The following MLLT3 variants were observed in gnomAD, a reference collection of about 807,000 sequenced individuals.
The protein encoded by MLLT3 is protein AF-9.
In MLLT3, 4 loss-of-function variants were observed where a neutral mutation model predicts 53.2. That is an observed-to-expected ratio of 0.08 (90% CI 0.04 to 0.17). The LOEUF is 0.17. Among genes scored for constraint, MLLT3 ranks in the 10% least tolerant of loss-of-function variants. The probability of loss-of-function intolerance (pLI) is 1.00; values close to 1 mark genes in which losing one functional copy is unlikely to be tolerated. For synonymous variants in MLLT3, 283 were observed against 230.6 expected, an observed-to-expected ratio of 1.23 and a Z score of -2.06; for missense variants, 569 against 684.0, an observed-to-expected ratio of 0.83 and a Z score of 1.87.
chr9:20,595,739 C>A (rs962872496), intron 2 of MLLT3, among the ~76,000 whole-genome samples: 3 of 152,048 alleles, frequency 2.0e-5, no homozygotes, highest in Non-Finnish European at 4.4e-5. Context: ...GTAGCAGTAA[C>A]CACAAAAAAA....
At chr9:20,447,147 G>A (rs1010535556) in intron 4 of MLLT3, among the ~76,000 whole-genome samples, 8 of 152,010 alleles carry the variant, frequency 5.3e-5, no homozygotes, top group African/African-American at 1.9e-4. Flanking sequence ...TTCTCAAAGT[G>A]GTTGTTCATG....
At chr9:20,568,868 A>G (rs1213407664) in intron 2 of MLLT3, among the ~76,000 whole-genome samples, 1 of 152,208 alleles carries the variant, frequency 6.6e-6, no homozygotes, top group Non-Finnish European at 1.5e-5. Flanking sequence ...AAATAAAGAC[A>G]TTGAGGTTGA....
At chr9:20,536,861 A>C (rs892866343) in intron 2 of MLLT3, among the ~76,000 whole-genome samples, 2 of 152,148 alleles carry the variant, frequency 1.3e-5, no homozygotes, top group Non-Finnish European at 2.9e-5. Context: ...AAAAAAAAAA[A>C]AAAACTGCCA....
At chr9:20,457,373 C>T (rs201400335) in intron 2 of MLLT3, among the ~76,000 whole-genome samples, 2 of 151,530 alleles carry the variant, frequency 1.3e-5, no homozygotes, top group South Asian at 2.1e-4. Context: ...CTCAGCCTCC[C>T]GAGTTAGCTG....
chr9:20,595,257 C>T (rs990781339), intron 2 of MLLT3, among the ~76,000 whole-genome samples: 2 of 152,034 alleles, frequency 1.3e-5, no homozygotes, highest in African/African-American at 2.4e-5. Flanking sequence ...GATCCAGCTA[C>T]ACAAGAGGCT....
chr9:20,464,506 G>T (rs1306882479), intron 2 of MLLT3, among the ~76,000 whole-genome samples: 1 of 151,932 alleles, frequency 6.6e-6, no homozygotes, highest in Non-Finnish European at 1.5e-5. Context: ...TACTGAGAAA[G>T]TACTGAGTGA....
At chr9:20,365,195 G>A (rs1242850234) in intron 6 of MLLT3, among the ~76,000 whole-genome samples, 2 of 152,184 alleles carry the variant, frequency 1.3e-5, no homozygotes, top group Non-Finnish European at 2.9e-5. Context: ...GGAATTTCTA[G>A]AGCCTTGCCT....
At chr9:20,360,604 G>T in intron 8 of MLLT3, 138 bp downstream of exon 8, 2 of 687,704 alleles carry the variant, frequency 2.9e-6, no homozygotes, top group Admixed American at 2.2e-5. Flanking sequence ...TTATTCCACA[G>T]GCTGTGGCCT....
intron 2 of MLLT3, among the ~76,000 whole-genome samples, chr9:20,535,896 T>G (rs958543942): frequency 6.6e-6 from 1 of 152,190 alleles, no homozygotes; most frequent in Admixed American, 6.5e-5. Flanking sequence ...TTAGACCCAA[T>G]GAGGTTGCCT....
At chr9:20,580,643 T>C (rs182308136) in intron 2 of MLLT3, among the ~76,000 whole-genome samples, 84 of 152,330 alleles carry the variant, frequency 5.5e-4, no homozygotes, top group African/African-American at 2.0e-3. Flanking sequence ...ATGGAATGAC[T>C]TGAAATATAA....
chr9:20,574,386 G>A (rs1490666058), intron 2 of MLLT3, among the ~76,000 whole-genome samples: 1 of 152,178 alleles, frequency 6.6e-6, no homozygotes, highest in Non-Finnish European at 1.5e-5. Context: ...ATGGTGTAAA[G>A]TACAATCATA....
chr9:20,428,093 C>CA (rs1261629955), intron 4 of MLLT3, among the ~76,000 whole-genome samples: 1 of 151,994 alleles, frequency 6.6e-6, no homozygotes, highest in Non-Finnish European at 1.5e-5. Flanking sequence ...AAAATCATGA[C>CA]TTTTTCCCTC....
intron 2 of MLLT3, among the ~76,000 whole-genome samples, chr9:20,493,079 C>T (rs1824992358): frequency 6.6e-6 from 1 of 151,598 alleles, no homozygotes; most frequent in African/African-American, 2.4e-5. Context: ...TTCTATTTGC[C>T]TAATGGATCA....
At chr9:20,417,021 C>T (rs1586933617) in intron 4 of MLLT3, among the ~76,000 whole-genome samples, 1 of 151,374 alleles carries the variant, frequency 6.6e-6, no homozygotes, top group East Asian at 1.9e-4. Context: ...CGATTTTCAG[C>T]CTATCTATCT....
chr9:20,449,931 G>A (rs940852134), intron 3 of MLLT3, among the ~76,000 whole-genome samples: 4 of 152,078 alleles, frequency 2.6e-5, no homozygotes, highest in African/African-American at 7.2e-5. Flanking sequence ...CATTCACAAG[G>A]AGTCAGTTCC....
intron 3 of MLLT3, among the ~76,000 whole-genome samples, chr9:20,452,475 C>T (rs1823864070): frequency 1.3e-5 from 2 of 152,158 alleles, no homozygotes; most frequent in Admixed American, 6.5e-5. Context: ...AACTGTGAGT[C>T]AATTAAACCT....
rs193269692 is a variant in MLLT3, at chr9:20,409,488, C to G, written c.1125+4233G>C. On this transcript the variant is annotated intron_variant, in intron 5 of 10. Coordinates refer to ENST00000380338, the MANE Select transcript of MLLT3 (RefSeq NM_004529.4). Reference sequence around the variant, plus strand: ...TATAAACCTTTAGTTGACACTGATACACTCCCTTTGCAGCTGTTAGTGTCA... The same window carrying G: ...TATAAACCTTTAGTTGACACTGATAGACTCCCTTTGCAGCTGTTAGTGTCA... 1.2e-4 allele frequency among the ~76,000 whole-genome samples: 18 copies of G among 152,254 alleles called. No homozygotes were observed. In the East Asian group the frequency reaches 3.3e-3, roughly 28 times the overall value.
chr9:20,557,935 G>A (rs1819104896), intron 2 of MLLT3, among the ~76,000 whole-genome samples: 1 of 151,964 alleles, frequency 6.6e-6, no homozygotes. Context: ...AATTAGAGGG[G>A]GATAACCTAT....
At chr9:20,517,819 CAA>C (rs759867647) in intron 2 of MLLT3, among the ~76,000 whole-genome samples, 1 of 150,012 alleles carries the variant, frequency 6.7e-6, no homozygotes, top group Non-Finnish European at 1.5e-5. Context: ...GCCTGGGAGA[CAA>C]GAGCAAAACT....
Sources: gnomAD v4.1 joint callset for allele counts (sites outside exome capture counted in the v4.1 genomes callset) on GRCh38, gnomAD v4.1.1 for gene constraint, MANE v1.5 for transcripts, NCBI Gene and HGNC (gene_info 2026-07-23, HGNC 2026-07-21) for gene names.